Variants in EEIG2 observed in about 807,000 individuals in gnomAD.
EEIG2 encodes the protein family with sequence similarity 102 member B.
chr1:108,610,359 G>A, the EEIG2 span, among the ~76,000 whole-genome samples: 1 of 152,172 alleles, frequency 6.6e-6, no homozygotes, highest in Non-Finnish European at 1.5e-5. Context: ...ACAGATGCAG[G>A]TAGGTGAGTG....
chr1:108,633,000 G>A, the EEIG2 span, among the ~76,000 whole-genome samples: 1 of 144,316 alleles, frequency 6.9e-6, no homozygotes, highest in Non-Finnish European at 1.5e-5. Flanking sequence ...GCCCAGGCTG[G>A]TCTCAAACTC....
At chr1:108,604,979 G>A in the EEIG2 span, among the ~76,000 whole-genome samples, 1 of 151,918 alleles carries the variant, frequency 6.6e-6, no homozygotes, top group African/African-American at 2.4e-5. Context: ...GGAGTTTGAG[G>A]TTTCAGTGAG....
the EEIG2 span, among the ~76,000 whole-genome samples, chr1:108,624,334 CAGTT>C: frequency 8.6e-5 from 13 of 151,540 alleles, no homozygotes; most frequent in Admixed American, 1.3e-4. Context: ...CCTGAGTTGA[CAGTT>C]AGAGCAACCC....
chr1:108,589,342 C>T, the EEIG2 span, among the ~76,000 whole-genome samples: 2 of 152,260 alleles, frequency 1.3e-5, no homozygotes, highest in Non-Finnish European at 2.9e-5. Context: ...CCCCATTTGG[C>T]TGCCACCCTA....
At chr1:108,576,371 G>C in the EEIG2 span, among the ~76,000 whole-genome samples, 1 of 149,700 alleles carries the variant, frequency 6.7e-6, no homozygotes. Context: ...ATGTATACAT[G>C]TGCCATGCTG....
At chr1:108,590,482 G>A in the EEIG2 span, among the ~76,000 whole-genome samples, 279 of 152,268 alleles carry the variant, frequency 1.8e-3, no homozygotes, top group Middle Eastern at 3.4e-3. Flanking sequence ...GAGATACACT[G>A]TAAGCCAGGC....
At chr1:108,616,309 T>C in the EEIG2 span, 1 of 931,052 alleles carries the variant, frequency 1.1e-6, no homozygotes, top group Middle Eastern at 2.1e-4. Context: ...CAATAGAAAA[T>C]ATCGGACTAA....
the EEIG2 span, among the ~76,000 whole-genome samples, chr1:108,599,690 C>T: frequency 6.6e-6 from 1 of 152,230 alleles, no homozygotes; most frequent in Non-Finnish European, 1.5e-5. Flanking sequence ...CTTCTCTCAT[C>T]ACACTTCATT....
At chr1:108,618,355 G>A in the EEIG2 span, among the ~76,000 whole-genome samples, 3 of 152,282 alleles carry the variant, frequency 2.0e-5, no homozygotes, top group East Asian at 3.9e-4. Flanking sequence ...GAAGAGCAAG[G>A]ACAGGGAAGA....
chr1:108,564,843 A>G, the EEIG2 span, among the ~76,000 whole-genome samples: 1 of 152,066 alleles, frequency 6.6e-6, no homozygotes, highest in Non-Finnish European at 1.5e-5. Flanking sequence ...GCTACTCAGG[A>G]GGCTGAGGTA....
At chr1:108,565,404 A>G in the EEIG2 span, among the ~76,000 whole-genome samples, 1 of 152,256 alleles carries the variant, frequency 6.6e-6, no homozygotes. Flanking sequence ...CTCATGCAGT[A>G]CATGACTGTA....
At chr1:108,635,027 C>T in the EEIG2 span, 3 of 1,382,624 alleles carry the variant, frequency 2.2e-6, no homozygotes, top group South Asian at 2.4e-5. Flanking sequence ...AGTGCCCCAT[C>T]TCTCCAGGGG....
chr1:108,614,647 G>T, the EEIG2 span, among the ~76,000 whole-genome samples: 1 of 152,094 alleles, frequency 6.6e-6, no homozygotes, highest in East Asian at 1.9e-4. Context: ...TCAGAAGTCA[G>T]TCCTTCCTCT....
At chr1:108,594,618 T>A in the EEIG2 span, among the ~76,000 whole-genome samples, 404 of 152,372 alleles carry the variant, frequency 2.7e-3, 3 homozygotes, top group African/African-American at 9.1e-3. Context: ...ATTTTTAATA[T>A]GTGTATTTAT....
the EEIG2 span, chr1:108,638,644 A>G: frequency 2.0e-5 from 3 of 151,564 alleles, no homozygotes; most frequent in African/African-American, 7.3e-5. Context: ...CGTCATGTGA[A>G]TGCAACCAAG....
At chr1:108,598,408 A>T in the EEIG2 span, among the ~76,000 whole-genome samples, 3 of 150,434 alleles carry the variant, frequency 2.0e-5, no homozygotes, top group Non-Finnish European at 3.0e-5. Context: ...ACAGTTTTTT[A>T]AATGTATTTA....
the EEIG2 span, among the ~76,000 whole-genome samples, chr1:108,560,926 A>G: frequency 1.3e-5 from 2 of 152,208 alleles, no homozygotes; most frequent in African/African-American, 4.8e-5. Context: ...AGGAGTTCCA[A>G]GAGCCCAGCT....
At chr1:108,600,440 C>G in the EEIG2 span, 1 of 1,082,076 alleles carries the variant, frequency 9.2e-7, no homozygotes, top group Non-Finnish European at 1.3e-6. Context: ...TCCTGCTACA[C>G]TGTTTACAAA....
At chr1:108,625,909 T>C in the EEIG2 span, 2 of 152,178 alleles carry the variant, frequency 1.3e-5, no homozygotes, top group Non-Finnish European at 2.9e-5. Flanking sequence ...AAGAATATAC[T>C]GTCCATTTAT....
Sources: allele counts gnomAD v4.1 joint callset (sites outside exome capture counted in the v4.1 genomes callset), GRCh38; gene constraint gnomAD v4.1.1; transcripts MANE v1.5; gene names NCBI Gene and HGNC (gene_info 2026-07-23, HGNC 2026-07-21).